Variants in ZHX2 observed in about 807,000 individuals in gnomAD.
ZHX2 encodes the protein zinc fingers and homeoboxes 2, also known as zinc fingers and homeoboxes protein 2.
In ZHX2, 6 loss-of-function variants were observed where a neutral mutation model predicts 21.9. The observed-to-expected ratio is 0.27, with a 90% CI of 0.15 to 0.54. The LOEUF (loss-of-function observed/expected upper bound fraction) is 0.54. Ranked by LOEUF, ZHX2 falls within the 20% of genes least tolerant of loss-of-function variation. The pLI is 0.95. For synonymous variants in ZHX2, 434 were observed against 437.1 expected (o/e 0.99, Z 0.09); for missense variants, 908 against 1,090.7 (o/e 0.83, Z 2.36).
chr8:122,893,769 G>A (rs1462746129), intron 2 of ZHX2, among the ~76,000 whole-genome samples: 1 of 152,094 alleles, frequency 6.6e-6, no homozygotes, highest in Non-Finnish European at 1.5e-5. Context: ...GTATCTTGCT[G>A]AATTTCTTTA....
chr8:122,939,172 A>T (rs1016128853), intron 2 of ZHX2, among the ~76,000 whole-genome samples: 1 of 152,224 alleles, frequency 6.6e-6, no homozygotes, highest in Admixed American at 6.5e-5. Context: ...GGATACTCTC[A>T]GCTGCCCTTT....
intron 2 of ZHX2, among the ~76,000 whole-genome samples, chr8:122,883,882 A>G (rs958865424): frequency 3.3e-5 from 5 of 152,266 alleles, no homozygotes; most frequent in African/African-American, 1.2e-4. Context: ...GGTAGCTGGC[A>G]GACATTTGAG....
At chr8:122,960,579 G>T (rs141041439) in intron 3 of ZHX2, among the ~76,000 whole-genome samples, 2 of 152,022 alleles carry the variant, frequency 1.3e-5, no homozygotes, top group African/African-American at 4.8e-5. Flanking sequence ...AGAAGTAATG[G>T]ATGGATTGAA....
At chr8:122,937,502 C>G (rs1033734322) in intron 2 of ZHX2, among the ~76,000 whole-genome samples, 1 of 152,170 alleles carries the variant, frequency 6.6e-6, no homozygotes, top group Non-Finnish European at 1.5e-5. Context: ...CAAAAATCAT[C>G]CAGCTCAGCT....
At chr8:122,886,384 T>C (rs1174308552) in intron 2 of ZHX2, among the ~76,000 whole-genome samples, 1 of 152,216 alleles carries the variant, frequency 6.6e-6, no homozygotes, top group Non-Finnish European at 1.5e-5. Flanking sequence ...TATGTGATAC[T>C]GTCATGGTAG....
chr8:122,811,922 C>G (rs1817939111), intron 1 of ZHX2: 2 of 152,320 alleles, frequency 1.3e-5, no homozygotes, highest in Admixed American at 6.5e-5. Context: ...ACCTGGTTCT[C>G]TTCTCAGGCT....
chr8:122,824,387 T>C (rs1818217869), intron 1 of ZHX2, among the ~76,000 whole-genome samples: 1 of 152,178 alleles, frequency 6.6e-6, no homozygotes, highest in Non-Finnish European at 1.5e-5. Context: ...TCAGTAGTGA[T>C]TTGCTGCATG....
At chr8:122,912,276 G>A (rs1820501753) in intron 2 of ZHX2, among the ~76,000 whole-genome samples, 1 of 152,174 alleles carries the variant, frequency 6.6e-6, no homozygotes, top group Non-Finnish European at 1.5e-5. Flanking sequence ...CCTTTTCAAT[G>A]CCTCTCCAGA....
chr8:122,941,323 CCTT>C (rs1237567365), intron 2 of ZHX2, among the ~76,000 whole-genome samples: 6 of 152,134 alleles, frequency 3.9e-5, no homozygotes, highest in Admixed American at 3.3e-4. Context: ...TCAACAAACC[CCTT>C]CTTTTCTTTT....
Position 122,782,329 on chromosome 8 carries a change from C to T in ZHX2, c.-283+383C>T, listed in dbSNP as rs1817305345. Among the ~76,000 whole-genome samples the T allele has an allele frequency of 6.6e-6, 1 of 152,174 alleles. No homozygotes were observed. Among genetic ancestry groups the T allele is most frequent in the African/African-American group, 2.4e-5 (1 of 41,438 alleles). The stretch of plus-strand genomic sequence containing the variant: ...AAAAAAATATGGCGTCCGCTTTCGA[C>T]AGGGCGTTACGTAGACCCGACTGTT... On this transcript the variant is annotated intron_variant, in intron 1 of 3. Transcript: ENST00000314393. The surrounding 1 kb of genome is among the most constrained non-coding windows in gnomAD (Gnocchi z 5.3).
At chr8:122,784,022 A>C (rs1563728976) in intron 1 of ZHX2, among the ~76,000 whole-genome samples, 2 of 152,248 alleles carry the variant, frequency 1.3e-5, no homozygotes, top group African/African-American at 4.8e-5. Flanking sequence ...GGAAAATGCA[A>C]GAAACCAAGA....
intron 2 of ZHX2, among the ~76,000 whole-genome samples, chr8:122,924,314 A>G (rs1299537235): frequency 1.3e-5 from 2 of 152,006 alleles, no homozygotes; most frequent in Non-Finnish European, 2.9e-5. Flanking sequence ...GGCTCTTCAC[A>G]TCATCTTCCC....
chr8:122,922,807 G>A (rs1203860999), intron 2 of ZHX2, among the ~76,000 whole-genome samples: 1 of 152,208 alleles, frequency 6.6e-6, no homozygotes, highest in Non-Finnish European at 1.5e-5. Flanking sequence ...ACTGTCAAGG[G>A]GTTGTAAAGT....
intron 1 of ZHX2, among the ~76,000 whole-genome samples, chr8:122,853,193 C>G (rs1030844532): frequency 1.3e-5 from 2 of 152,188 alleles, no homozygotes; most frequent in East Asian, 3.8e-4. Context: ...GGTGCCATCA[C>G]TAGGTGAGTT....
chr8:122,892,142 C>T (rs184309467), intron 2 of ZHX2, among the ~76,000 whole-genome samples: 65 of 152,308 alleles, frequency 4.3e-4, no homozygotes, highest in African/African-American at 1.6e-3. Flanking sequence ...CATTGTATCA[C>T]TTTGCTGAAT....
At chr8:122,963,066 T>C (rs1408129164) in intron 3 of ZHX2, among the ~76,000 whole-genome samples, 3 of 152,230 alleles carry the variant, frequency 2.0e-5, no homozygotes, top group Non-Finnish European at 4.4e-5. Flanking sequence ...TCCCACTCTG[T>C]GGGTTGTCTG....
intron 2 of ZHX2, among the ~76,000 whole-genome samples, chr8:122,869,586 C>T (rs764928576): frequency 2.0e-5 from 3 of 152,330 alleles, no homozygotes; most frequent in South Asian, 2.1e-4. Flanking sequence ...AGGGAGCTGT[C>T]GCCGGGAGGC....
intron 1 of ZHX2, among the ~76,000 whole-genome samples, chr8:122,841,477 T>C (rs1226465515): frequency 2.0e-5 from 3 of 149,916 alleles, no homozygotes; most frequent in African/African-American, 7.4e-5. Context: ...TGCCTCACAG[T>C]AGGGAGTCAG....
At chr8:122,949,097 G>A (rs1261656951) in intron 2 of ZHX2, among the ~76,000 whole-genome samples, 2 of 151,920 alleles carry the variant, frequency 1.3e-5, no homozygotes, top group Non-Finnish European at 2.9e-5. Flanking sequence ...GGCCAAGGCA[G>A]GCAGATCACC....
Sources: gnomAD v4.1 joint callset for allele counts (sites outside exome capture counted in the v4.1 genomes callset) on GRCh38, gnomAD v4.1.1 for gene constraint, Gnocchi (gnomAD v3.1) non-coding constraint, MANE v1.5 for transcripts, NCBI Gene and HGNC (gene_info 2026-07-23, HGNC 2026-07-21) for gene names.